MCPH1: variants seen among roughly 807,000 people sequenced by gnomAD.
MCPH1 encodes the protein microcephalin 1.
In MCPH1, 104 loss-of-function variants were observed where a neutral mutation model predicts 84.5. The ratio of observed to expected loss-of-function variants is 1.23; its 90% confidence interval spans 1.05 to 1.45. The LOEUF (loss-of-function observed/expected upper bound fraction) is 1.45, where lower values mean the gene tolerates loss of function less well. Ranked by LOEUF, MCPH1 falls within the 40% of genes most tolerant of loss-of-function variation. The pLI is 0.00. For missense variants in MCPH1, 1,498 were observed against 1,005.7 expected (o/e 1.49, Z -6.62); for synonymous variants, 514 against 366.8 (o/e 1.40, Z -4.58).
chr8:6,473,904 C>CTAGT lies in MCPH1; in HGVS notation c.1936-3687_1936-3686insTTAG, dbSNP rs149258084. On this transcript the variant is annotated intron_variant, in intron 9 of 13. Transcript: ENST00000344683. ...TTCAAGATCTGATCTACATTATTTT[C>CTAGT]TAGCTCTTCTGGTTTATTGCTGGGC... 1.9e-3 allele frequency: 3,004 copies of CTAGT among 1,542,260 alleles called. 55 individuals carry two copies. In the African/African-American group the frequency reaches 0.039, roughly 20 times the overall value.
Position 6,409,097 on chromosome 8 carries a change from G to T in MCPH1, c.23-182G>T, listed in dbSNP as rs142468750. On this transcript the variant is annotated intron_variant, in intron 1 of 13. Transcript: ENST00000344683. ...AGATGGTTTTTCACCATGTTGGCCC[G>T]GCTGGTCTCAAACCCCTGACTTCGT... 1.2e-3 allele frequency among the ~76,000 whole-genome samples: 182 copies of T among 152,148 alleles called. 1 individual carries two copies. Among genetic ancestry groups the T allele is most frequent in the African/African-American group, 4.3e-3 (177 of 41,490 alleles).
intron 12 of MCPH1, among the ~76,000 whole-genome samples, chr8:6,594,611 A>C (rs1828778467): frequency 6.6e-6 from 1 of 152,120 alleles, no homozygotes; most frequent in Non-Finnish European, 1.5e-5. Context: ...GATTGTTTGG[A>C]GTATTGCCAA....
chr8:6,579,497 G>A (rs1827381678), intron 12 of MCPH1, among the ~76,000 whole-genome samples: 1 of 152,210 alleles, frequency 6.6e-6, no homozygotes, highest in South Asian at 2.1e-4. Flanking sequence ...AGTAAGGGAA[G>A]TGTTTTTCTG....
intron 3 of MCPH1, among the ~76,000 whole-genome samples, chr8:6,430,680 G>A (rs1343058581): frequency 6.6e-6 from 1 of 152,178 alleles, no homozygotes; most frequent in Non-Finnish European, 1.5e-5. Flanking sequence ...AGGCCTGTGA[G>A]GGATAGTTGG....
intron 12 of MCPH1, among the ~76,000 whole-genome samples, chr8:6,531,001 T>C (rs1444660052): frequency 6.6e-6 from 1 of 151,940 alleles, no homozygotes; most frequent in South Asian, 2.1e-4. Flanking sequence ...AATCTGCTCT[T>C]TTTTTAAAAG....
At chr8:6,637,193 C>G (rs1032228594) in intron 13 of MCPH1, among the ~76,000 whole-genome samples, 3 of 152,210 alleles carry the variant, frequency 2.0e-5, no homozygotes, top group African/African-American at 7.2e-5. Flanking sequence ...GAATATACAG[C>G]CTTTGCCCTT....
chr8:6,470,218 C>T (rs1289704624), intron 9 of MCPH1, among the ~76,000 whole-genome samples: 1 of 152,150 alleles, frequency 6.6e-6, no homozygotes, highest in Admixed American at 6.6e-5. Context: ...CTTCCTGGAG[C>T]TGTCCATATA....
intron 12 of MCPH1, among the ~76,000 whole-genome samples, chr8:6,557,688 T>TGCAC (rs1554452273): frequency 6.7e-6 from 1 of 148,692 alleles, no homozygotes; most frequent in Non-Finnish European, 1.5e-5. Context: ...TATGTGTGTG[T>TGCAC]ACACACACAC....
At chr8:6,582,813 C>T (rs10092737) in intron 12 of MCPH1, among the ~76,000 whole-genome samples, 2,213 of 152,308 alleles carry the variant, frequency 0.015, 56 homozygotes, top group African/African-American at 0.051. Context: ...TGCCTCTGAG[C>T]TCTGTGGCTT....
chr8:6,436,087 C>T lies in MCPH1; in HGVS notation c.361C>T (p.Pro121Ser). 1 of 1,613,588 alleles carries T rather than the reference C, an allele frequency of 6.2e-7. No individual in the cohort carries two copies. The highest frequency in any genetic ancestry group is 8.5e-7 in the Non-Finnish European group (1 of 1,179,730). Residue 121 changes from proline to serine, a missense_variant, in exon 5 of 14, where the codon CCA becomes TCA. Pro to Ser is a moderately conservative substitution (Grantham distance 74, BLOSUM62 -1). Coordinates refer to ENST00000344683, the MANE Select transcript of MCPH1 (RefSeq NM_024596.5). ...MQPKDFNFKTPENDKRFQKKF... is the reference protein window; with the variant it reads ...MQPKDFNFKTSENDKRFQKKF... Reference sequence around the variant, plus strand: ...GCCCAAAGATTTTAATTTTAAAACACCAGAAAATGATAAGAGATTTCAGAA... The same window carrying T: ...GCCCAAAGATTTTAATTTTAAAACATCAGAAAATGATAAGAGATTTCAGAA...
intron 3 of MCPH1, among the ~76,000 whole-genome samples, chr8:6,430,588 A>G (rs771992710): frequency 2.0e-5 from 3 of 152,214 alleles, no homozygotes; most frequent in Non-Finnish European, 2.9e-5. Context: ...AAATTTCTAT[A>G]TCAATATGGA....
intron 8 of MCPH1, chr8:6,447,080 C>A: frequency 1.0e-6 from 1 of 985,426 alleles, no homozygotes; most frequent in Non-Finnish European, 1.2e-6. Context: ...TCTACAGTCA[C>A]CTGCCTTCAT....
intron 12 of MCPH1, among the ~76,000 whole-genome samples, chr8:6,528,315 G>A (rs1016610694): frequency 3.9e-5 from 6 of 152,194 alleles, no homozygotes; most frequent in African/African-American, 1.2e-4. Context: ...ACAAGTAGGA[G>A]TATAAAATGG....
intron 12 of MCPH1, among the ~76,000 whole-genome samples, chr8:6,605,393 C>CATTCCA (rs1157082764): frequency 9.9e-5 from 15 of 152,188 alleles, no homozygotes; most frequent in Admixed American, 9.8e-4. Flanking sequence ...CCTTGCCTTT[C>CATTCCA]ATTCCAATGC....
At chr8:6,576,047 T>TA (rs1563147297) in intron 12 of MCPH1, among the ~76,000 whole-genome samples, 22 of 138,394 alleles carry the variant, frequency 1.6e-4, no homozygotes, top group African/African-American at 5.4e-5. Flanking sequence ...TAATACAGCC[T>TA]TAAAAAAAAA....
At chr8:6,601,221 C>T (rs1177307717) in intron 12 of MCPH1, among the ~76,000 whole-genome samples, 2 of 152,200 alleles carry the variant, frequency 1.3e-5, no homozygotes, top group African/African-American at 4.8e-5. Flanking sequence ...ACCCTCACAG[C>T]TCTCAGCTGT....
At chr8:6,408,643 C>G (rs1056354753) in intron 1 of MCPH1, among the ~76,000 whole-genome samples, 3 of 151,304 alleles carry the variant, frequency 2.0e-5, no homozygotes, top group Non-Finnish European at 4.4e-5. Context: ...AGGGATTCTC[C>G]CACCTCAGCT....
intron 9 of MCPH1, among the ~76,000 whole-genome samples, chr8:6,473,432 C>T (rs1267307724): frequency 2.7e-5 from 4 of 149,282 alleles, no homozygotes; most frequent in South Asian, 2.2e-4. Context: ...CCCAGGTTCA[C>T]GCCATTCTCC....
chr8:6,609,013 TG>T (rs1459833855), intron 12 of MCPH1, among the ~76,000 whole-genome samples: 1 of 152,194 alleles, frequency 6.6e-6, no homozygotes, highest in Non-Finnish European at 1.5e-5. Flanking sequence ...GCAGAGTTGC[TG>T]GGGGTGGCCC....
Sources: allele counts gnomAD v4.1 joint callset (sites outside exome capture counted in the v4.1 genomes callset), GRCh38; gene constraint gnomAD v4.1.1; transcripts MANE v1.5; gene names NCBI Gene and HGNC (gene_info 2026-07-23, HGNC 2026-07-21).